The following OSBPL1A variants were observed in gnomAD, a reference collection of about 807,000 sequenced individuals.
OSBPL1A encodes the protein oxysterol binding protein like 1A.
A neutral mutation model predicts 137.1 loss-of-function variants in OSBPL1A; 80 were observed. That is an observed-to-expected ratio of 0.58 (90% CI 0.49 to 0.70). OSBPL1A has a LOEUF of 0.70. Ranked by LOEUF, OSBPL1A falls within the 30% of genes least tolerant of loss-of-function variation. The pLI is 0.00. For synonymous variants in OSBPL1A, 365 were observed against 389.7 expected, an observed-to-expected ratio of 0.94 and a Z score of 0.75; for missense variants, 970 against 1,129.4, an observed-to-expected ratio of 0.86 and a Z score of 2.02.
At chr18:24,327,663 C>T (rs1314872404) in intron 7 of OSBPL1A, among the ~76,000 whole-genome samples, 1 of 152,200 alleles carries the variant, frequency 6.6e-6, no homozygotes, top group South Asian at 2.1e-4. Context: ...CCTGCCTCAG[C>T]CTCCCAAAGT....
chr18:24,346,794 T>C (rs541207621), intron 4 of OSBPL1A, among the ~76,000 whole-genome samples: 80 of 152,254 alleles, frequency 5.3e-4, no homozygotes, highest in Admixed American at 1.0e-3. Flanking sequence ...CAGGCTGGAG[T>C]GTAGTGGCAT....
chr18:24,292,943 TAA>T (rs1197095974), intron 14 of OSBPL1A, among the ~76,000 whole-genome samples: 1 of 151,108 alleles, frequency 6.6e-6, no homozygotes, highest in Non-Finnish European at 1.5e-5. Context: ...CCGTCTCTAC[TAA>T]AAATATAAAA....
At chr18:24,238,747 C>T (rs1470617765) in intron 16 of OSBPL1A, among the ~76,000 whole-genome samples, 2 of 152,196 alleles carry the variant, frequency 1.3e-5, no homozygotes, top group Admixed American at 1.3e-4. Context: ...ACCTCCTCTT[C>T]TCTGCTCCAG....
At chr18:24,217,656 C>A (rs2087751473) in intron 17 of OSBPL1A, among the ~76,000 whole-genome samples, 1 of 152,134 alleles carries the variant, frequency 6.6e-6, no homozygotes, top group Non-Finnish European at 1.5e-5. Flanking sequence ...AAGATGAAGA[C>A]AATGATCAAC....
intron 4 of OSBPL1A, among the ~76,000 whole-genome samples, chr18:24,359,925 C>T (rs1336383489): frequency 3.9e-5 from 6 of 151,956 alleles, no homozygotes; most frequent in Non-Finnish European, 7.4e-5. Context: ...CAAGAAAAGC[C>T]CAAAGGTGCC....
chr18:24,304,878 C>T (rs956659607), intron 13 of OSBPL1A, among the ~76,000 whole-genome samples: 1 of 152,186 alleles, frequency 6.6e-6, no homozygotes, highest in Non-Finnish European at 1.5e-5. Flanking sequence ...GCTCTAACAA[C>T]ACCTACGTAC....
At chr18:24,347,341 G>A (rs543551366) in intron 4 of OSBPL1A, among the ~76,000 whole-genome samples, 3 of 151,968 alleles carry the variant, frequency 2.0e-5, no homozygotes, top group South Asian at 4.2e-4. Context: ...CCGCCACCAC[G>A]CCCAGTTAAT....
chr18:24,242,232 T>C (rs9945413), intron 15 of OSBPL1A, among the ~76,000 whole-genome samples: 8,209 of 151,092 alleles, frequency 0.054, 307 homozygotes, highest in African/African-American at 0.099. Flanking sequence ...CCATGGCACA[T>C]ATATATATAT....
chr18:24,381,838 G>A (rs902892051), intron 1 of OSBPL1A, among the ~76,000 whole-genome samples: 3 of 151,800 alleles, frequency 2.0e-5, no homozygotes, highest in Admixed American at 1.3e-4. Flanking sequence ...GTGGGCGCCT[G>A]TAAAACCAGC....
At chr18:24,351,819 C>T (rs1041588665) in intron 4 of OSBPL1A, among the ~76,000 whole-genome samples, 8 of 152,160 alleles carry the variant, frequency 5.3e-5, no homozygotes, top group Non-Finnish European at 1.2e-4. Context: ...GGATTATAGG[C>T]GTGAGCCACT....
intron 12 of OSBPL1A, 53 bp downstream of exon 12, chr18:24,314,196 G>A (rs2090676206): frequency 2.5e-6 from 3 of 1,211,526 alleles, no homozygotes; most frequent in Admixed American, 2.3e-5. Flanking sequence ...TATTCTCCGT[G>A]TCTTTAAATG....
At chr18:24,353,706 G>C (rs1338560990) in intron 4 of OSBPL1A, among the ~76,000 whole-genome samples, 1 of 151,550 alleles carries the variant, frequency 6.6e-6, no homozygotes, top group Non-Finnish European at 1.5e-5. Context: ...AAGAAAATGT[G>C]GCACATATAC....
At chr18:24,166,481 G>C in intron 26 of OSBPL1A, 98 bp downstream of exon 26, 1 of 1,404,332 alleles carries the variant, frequency 7.1e-7, no homozygotes, top group Non-Finnish European at 9.5e-7. Flanking sequence ...GACTAAAAAC[G>C]CTAGTACCCC....
chr18:24,176,308 T>C (rs2086444923), intron 21 of OSBPL1A, among the ~76,000 whole-genome samples: 1 of 152,218 alleles, frequency 6.6e-6, no homozygotes, highest in African/African-American at 2.4e-5. Context: ...AGACAGTGTG[T>C]CTCTGCATTA....
chr18:24,335,206 T>C (rs1250926086), intron 5 of OSBPL1A, among the ~76,000 whole-genome samples: 2 of 152,222 alleles, frequency 1.3e-5, no homozygotes, highest in Non-Finnish European at 2.9e-5. Flanking sequence ...TCTTTAAAAA[T>C]ACTTTGGCAC....
At chr18:24,225,539 A>G (rs1436470896) in intron 16 of OSBPL1A, among the ~76,000 whole-genome samples, 1 of 152,234 alleles carries the variant, frequency 6.6e-6, no homozygotes, top group Non-Finnish European at 1.5e-5. Context: ...AAGCATCTTA[A>G]GTATAACTTC....
chr18:24,387,069 T>C (rs762377432), intron 1 of OSBPL1A, among the ~76,000 whole-genome samples: 7 of 152,204 alleles, frequency 4.6e-5, no homozygotes, highest in Non-Finnish European at 8.8e-5. Context: ...ATATGTATTT[T>C]TGAAATACAT....
chr18:24,185,281 T>C (rs2086714706), intron 18 of OSBPL1A, among the ~76,000 whole-genome samples: 3 of 151,992 alleles, frequency 2.0e-5, no homozygotes, highest in Admixed American at 2.0e-4. Flanking sequence ...TAGTATAAAC[T>C]ATGAACTTGG....
rs778090523 is a variant in OSBPL1A at position 24,303,693 on chromosome 18, A to C, written c.1118T>G (p.Leu373Arg). 1.2e-6 allele frequency: 2 copies of C among 1,613,722 alleles called. No individual in the cohort carries two copies. Among genetic ancestry groups the C allele is most frequent in the Non-Finnish European group, 1.7e-6 (2 of 1,179,812 alleles). ...GAGAAAGTTGGAAATTTCCCTATCT[A>C]GTCGCTGTTGGCATGACTGTGCTTT... ...LEKAQSCQQR[L>R]DREISNFLKM... Residue 373 changes from leucine (L) to arginine (R), a missense_variant, in exon 14 of 28, where the codon CTA becomes CGA. Around this residue, in one of 2 missense-constraint regions of OSBPL1A, gnomAD observed 647 missense variants for 672.6 expected, o/e 0.96. Transcript: ENST00000319481.
Sources: gnomAD v4.1 joint callset for allele counts (sites outside exome capture counted in the v4.1 genomes callset) on GRCh38, gnomAD v4.1.1 for gene constraint, gnomAD v4.1.1 regional missense constraint, MANE v1.5 for transcripts, NCBI Gene and HGNC (gene_info 2026-07-23, HGNC 2026-07-21) for gene names.